The following NAV2 variants were observed in gnomAD, a reference collection of about 807,000 sequenced individuals.
The protein encoded by NAV2 is helicase, APC down-regulated 1.
A neutral mutation model predicts 223.2 loss-of-function variants in NAV2; 54 were observed. The ratio of observed to expected loss-of-function variants is 0.24; its 90% CI spans 0.19 to 0.30. NAV2 has a LOEUF of 0.30. NAV2 is among the 10% of genes least tolerant of loss of function. The pLI, the probability that NAV2 is intolerant of heterozygous loss-of-function variation, is 1.00. For synonymous variants in NAV2, 1,279 were observed against 1,239.3 expected, an observed-to-expected ratio of 1.03 and a Z score of -0.67; for missense variants, 2,806 against 3,147.5, an observed-to-expected ratio of 0.89 and a Z score of 2.60.
At chr11:19,355,541 A>C (rs980923178) in intron 1 of NAV2, among the ~76,000 whole-genome samples, 20 of 152,098 alleles carry the variant, frequency 1.3e-4, no homozygotes, top group African/African-American at 4.8e-4. Context: ...TTTCCTCGTC[A>C]CTTGGGTTTG....
chr11:19,446,682 A>G (rs768971465), intron 1 of NAV2, among the ~76,000 whole-genome samples: 9 of 152,298 alleles, frequency 5.9e-5, no homozygotes, highest in Admixed American at 4.6e-4. Context: ...CTGCCGCCAG[A>G]GTCATCATTA....
At chr11:19,817,546 G>T (rs181720725) in intron 1 of NAV2, among the ~76,000 whole-genome samples, 3 of 152,152 alleles carry the variant, frequency 2.0e-5, no homozygotes, top group Non-Finnish European at 2.9e-5. Context: ...GTCCGAGTTG[G>T]GGGAGGGAGG....
At chr11:19,619,707 G>C (rs2135403826) in intron 1 of NAV2, among the ~76,000 whole-genome samples, 1 of 152,258 alleles carries the variant, frequency 6.6e-6, no homozygotes, top group East Asian at 1.9e-4. Flanking sequence ...CCATTCTGTA[G>C]GTTGCCTGTT....
Position 19,984,219 on chromosome 11 carries a change from A to G in NAV2, c.2740A>G (p.Thr914Ala). Residue 914 changes from threonine (T) to alanine (A), a missense_variant, in exon 11 of 38, where the codon ACC becomes GCC. Thr to Ala is a moderately conservative substitution (Grantham distance 58). Around this residue, in one of 4 missense-constraint regions of NAV2, gnomAD observed 73 missense variants for 119.7 expected, o/e 0.61. Coordinates refer to ENST00000349880, the MANE Select transcript of NAV2 (RefSeq NM_145117.5). The part of the protein sequence containing the change: ...AVVRETLQRN[T>A]SLGLGDADSW... Reference sequence around the variant, plus strand: ...GGTACGGGAGACCCTGCAACGAAATACCTCCCTGGGCCTCGGAGACGCTGA... The same window carrying G: ...GGTACGGGAGACCCTGCAACGAAATGCCTCCCTGGGCCTCGGAGACGCTGA... 6.2e-7 allele frequency: 1 copy of G among 1,613,844 alleles called. No homozygotes were observed. The highest frequency in any genetic ancestry group is 8.5e-7 in the Non-Finnish European group (1 of 1,179,956).
At position 19,867,110 on chromosome 11, in the gene NAV2, C is replaced by T. The variant is rs80121021; in HGVS notation, c.439-1815C>T. Among the ~76,000 whole-genome samples the T allele has an allele frequency of 9.8e-3, 1,493 of 152,202 alleles. 7 individuals are homozygous for T. The highest frequency in any genetic ancestry group is 0.026 in the South Asian group (127 of 4,810). On this transcript the variant is annotated intron_variant, in intron 3 of 37. Transcript: ENST00000349880. ...TAAGGACTGATAGTTAACATTTGTT[C>T]TCAAAAGCAGGGTTTCATGGTATGG...
intron 1 of NAV2, among the ~76,000 whole-genome samples, chr11:19,791,636 C>T (rs1007583262): frequency 6.6e-6 from 1 of 152,130 alleles, no homozygotes; most frequent in African/African-American, 2.4e-5. Flanking sequence ...GACTGGTTGC[C>T]TTTCTCAAGC....
intron 1 of NAV2, among the ~76,000 whole-genome samples, chr11:19,543,269 T>A (rs947505971): frequency 1.3e-5 from 2 of 152,216 alleles, no homozygotes; most frequent in Non-Finnish European, 2.9e-5. Context: ...CCTGGTATGG[T>A]AGTCAGTCTT....
rs113702879 is a variant in NAV2 at position 19,598,019 on chromosome 11, C to G, written c.76-234465C>G. Among the ~76,000 whole-genome samples, 555 of 152,354 alleles carry G rather than the reference C, an allele frequency of 3.6e-3. 9 individuals are homozygous for G. The highest frequency in any genetic ancestry group is 0.013 in the African/African-American group (535 of 41,592). On this transcript the variant is annotated intron_variant, in intron 1 of 37. Transcript: ENST00000360655. ...GGGGCAGCTGGCCTCCAGTTATGACCCATGCCAATGGCATGCCCTTCTGCT... is the reference window on the plus strand; with the variant it reads ...GGGGCAGCTGGCCTCCAGTTATGACGCATGCCAATGGCATGCCCTTCTGCT...
intron 1 of NAV2, among the ~76,000 whole-genome samples, chr11:19,624,015 G>T (rs2135436575): frequency 6.6e-6 from 1 of 152,330 alleles, no homozygotes; most frequent in Non-Finnish European, 1.5e-5. Flanking sequence ...AGGTCTGTTG[G>T]AATTTGCTGG....
intron 3 of NAV2, among the ~76,000 whole-genome samples, chr11:19,847,704 A>G (rs1004646846): frequency 2.6e-5 from 4 of 152,226 alleles, no homozygotes; most frequent in African/African-American, 9.6e-5. Context: ...TATTAATTAA[A>G]GTGATAAAAT....
intron 1 of NAV2, among the ~76,000 whole-genome samples, chr11:19,579,260 G>T (rs1180152091): frequency 6.6e-6 from 1 of 152,152 alleles, no homozygotes; most frequent in Non-Finnish European, 1.5e-5. Context: ...GACTTATTTT[G>T]CAGGACTATT....
At chr11:19,695,931 C>T (rs540481287) in intron 1 of NAV2, among the ~76,000 whole-genome samples, 30 of 39,356 alleles carry the variant, frequency 7.6e-4, no homozygotes, top group Middle Eastern at 0.033. Flanking sequence ...CACTAGATGA[C>T]CTGCTTTTTT....
At chr11:19,901,359 C>T (rs548739348) in intron 6 of NAV2, among the ~76,000 whole-genome samples, 116 of 152,222 alleles carry the variant, frequency 7.6e-4, no homozygotes, top group South Asian at 1.9e-3. Context: ...CCAGCCTGGT[C>T]AACAGAGCAA....
At chr11:20,060,865 G>A (rs1249774728) in intron 19 of NAV2, among the ~76,000 whole-genome samples, 1 of 152,232 alleles carries the variant, frequency 6.6e-6, no homozygotes, top group Non-Finnish European at 1.5e-5. Flanking sequence ...AGGGAAGAAG[G>A]AGAGGTCAGG....
At chr11:19,767,145 T>C (rs11025251) in intron 1 of NAV2, among the ~76,000 whole-genome samples, 63,466 of 152,050 alleles carry the variant, frequency 0.42, 14,988 homozygotes, top group African/African-American at 0.65. Flanking sequence ...GAATCTCTTC[T>C]TTGGACTTCC....
At chr11:19,877,690 T>C (rs2062940943) in intron 4 of NAV2, among the ~76,000 whole-genome samples, 1 of 151,920 alleles carries the variant, frequency 6.6e-6, no homozygotes, top group African/African-American at 2.4e-5. Flanking sequence ...GCCAGGATGG[T>C]CTCAATCTCC....
At chr11:19,929,663 GT>G (rs2045136858) in intron 6 of NAV2, among the ~76,000 whole-genome samples, 1 of 152,130 alleles carries the variant, frequency 6.6e-6, no homozygotes. Context: ...TTTTTCCTGA[GT>G]TTAGGCTTAA....
intron 1 of NAV2, among the ~76,000 whole-genome samples, chr11:19,647,381 C>T (rs1452932145): frequency 6.6e-6 from 1 of 152,106 alleles, no homozygotes; most frequent in African/African-American, 2.4e-5. Context: ...TTTTCTGATC[C>T]TCCCAAGCCT....
chr11:20,111,190 C>T (rs1247849976), intron 36 of NAV2, among the ~76,000 whole-genome samples: 1 of 152,242 alleles, frequency 6.6e-6, no homozygotes, highest in African/African-American at 2.4e-5. Flanking sequence ...CTCCCAGGAG[C>T]CCCCTGCATC....
Sources: gnomAD v4.1 joint callset for allele counts (sites outside exome capture counted in the v4.1 genomes callset) on GRCh38, gnomAD v4.1.1 for gene constraint, gnomAD v4.1.1 regional missense constraint, MANE v1.5 for transcripts, NCBI Gene and HGNC (gene_info 2026-07-23, HGNC 2026-07-21) for gene names.